Variants in LIN9 observed in about 807,000 individuals in gnomAD.
LIN9 encodes the protein lin-9 DREAM MuvB core complex component, also known as protein lin-9 homolog.
In LIN9, 18 loss-of-function variants were observed where a neutral mutation model predicts 78.0. The ratio of observed to expected loss-of-function variants is 0.23; its 90% confidence interval spans 0.16 to 0.34. The LOEUF is 0.34. Among genes scored for constraint, LIN9 ranks in the 10% least tolerant of loss-of-function variants. The pLI is 1.00. For synonymous variants in LIN9, 192 were observed against 215.2 expected, an observed-to-expected ratio of 0.89 and a Z score of 0.94; for missense variants, 451 against 644.1, an observed-to-expected ratio of 0.70 and a Z score of 3.25.
chr1:226,250,949 A>C (rs573873508), intron 10 of LIN9, 30 bp from the exon 11 acceptor site: 2 of 1,102,704 alleles, frequency 1.8e-6, no homozygotes, highest in South Asian at 2.7e-5. Context: ...ATTTTAGAAT[A>C]AACAGAGGCA....
chr1:226,271,981 TTAAGTA>T (rs1050764208), intron 7 of LIN9, among the ~76,000 whole-genome samples: 7 of 152,104 alleles, frequency 4.6e-5, no homozygotes, highest in African/African-American at 7.2e-5. Flanking sequence ...GATTTTATAT[TTAAGTA>T]TAACTCTTGA....
chr1:226,247,653 GC>G, intron 11 of LIN9, among the ~76,000 whole-genome samples: 1 of 149,972 alleles, frequency 6.7e-6, no homozygotes, highest in Non-Finnish European at 1.5e-5. Flanking sequence ...ATTCCTTAAT[GC>G]CTTGTTGTTT....
chr1:226,292,729 C>A (rs1192049692), intron 4 of LIN9, among the ~76,000 whole-genome samples: 1 of 152,148 alleles, frequency 6.6e-6, no homozygotes, highest in Non-Finnish European at 1.5e-5. Context: ...TCAAAATGAG[C>A]CACTGCCCAG....
At chr1:226,247,259 TTAAAATA>T (rs1170646118) in intron 11 of LIN9, among the ~76,000 whole-genome samples, 1 of 152,156 alleles carries the variant, frequency 6.6e-6, no homozygotes, top group Non-Finnish European at 1.5e-5. Flanking sequence ...AATTAAGCAT[TTAAAATA>T]TATTTCTAAA....
In LIN9 at chr1:226,256,557, A is replaced by G. The variant is rs187364676; in HGVS notation, c.1039-5638T>C. Among the ~76,000 whole-genome samples, 28 of 150,112 alleles carry G rather than the reference A, an allele frequency of 1.9e-4. 1 individual carries two copies. The highest frequency in any genetic ancestry group is 6.6e-4 in the African/African-American group (27 of 41,132). The stretch of plus-strand genomic sequence containing the variant: ...CTACAATAATAAATAAAATAAATAT[A>G]TATATATATATATTTTTTTGAGACA... On this transcript the variant is annotated intron_variant, in intron 10 of 14. Transcript: ENST00000681046.
intron 11 of LIN9, among the ~76,000 whole-genome samples, chr1:226,241,654 C>T (rs1263002750): frequency 1.3e-5 from 2 of 152,080 alleles, no homozygotes; most frequent in East Asian, 3.9e-4. Flanking sequence ...GTCAGGAGAT[C>T]GAGACCATCC....
At chr1:226,308,302 AG>A (rs1263619526) in intron 1 of LIN9, among the ~76,000 whole-genome samples, 2 of 152,122 alleles carry the variant, frequency 1.3e-5, no homozygotes, top group Non-Finnish European at 2.9e-5. Flanking sequence ...CTTAGATGTC[AG>A]GGTGAGTAAA....
At chr1:226,291,966 TGAG>T (rs974890397) in intron 4 of LIN9, among the ~76,000 whole-genome samples, 20 of 151,974 alleles carry the variant, frequency 1.3e-4, no homozygotes, top group Non-Finnish European at 2.4e-4. Context: ...AATTTATAAG[TGAG>T]GAGATGTTTA....
chr1:226,299,478 C>T (rs1166714865), intron 2 of LIN9, among the ~76,000 whole-genome samples: 1 of 141,722 alleles, frequency 7.1e-6, no homozygotes, highest in Non-Finnish European at 1.5e-5. Context: ...GCACTCCAGC[C>T]TGGGCGACAA....
At chr1:226,239,971 G>A (rs995121257) in intron 11 of LIN9, among the ~76,000 whole-genome samples, 1 of 152,144 alleles carries the variant, frequency 6.6e-6, no homozygotes, top group Non-Finnish European at 1.5e-5. Flanking sequence ...AAGCAAAATC[G>A]CTCCTTCTAG....
At chr1:226,304,174 T>C (rs575008724) in intron 1 of LIN9, among the ~76,000 whole-genome samples, 1 of 152,216 alleles carries the variant, frequency 6.6e-6, no homozygotes, top group Non-Finnish European at 1.5e-5. Context: ...CAAAAAATAA[T>C]AGGTTAAGAA....
intron 7 of LIN9, among the ~76,000 whole-genome samples, chr1:226,272,711 T>A (rs1660379021): frequency 6.6e-6 from 1 of 152,006 alleles, no homozygotes. Flanking sequence ...GCTCCTAGAT[T>A]GATTGTATTC....
At chr1:226,297,091 A>G (rs915831655) in intron 3 of LIN9, among the ~76,000 whole-genome samples, 16 of 152,062 alleles carry the variant, frequency 1.1e-4, no homozygotes, top group African/African-American at 2.9e-4. Flanking sequence ...TTCCCTGACC[A>G]CAAGCAGAGA....
At chr1:226,241,672 C>T (rs952276025) in intron 11 of LIN9, among the ~76,000 whole-genome samples, 1 of 152,016 alleles carries the variant, frequency 6.6e-6, no homozygotes, top group Non-Finnish European at 1.5e-5. Flanking sequence ...TCCTGGCTAA[C>T]ACGGTGAAAC....
intron 10 of LIN9, among the ~76,000 whole-genome samples, chr1:226,260,158 T>C (rs1490618900): frequency 6.6e-6 from 1 of 152,208 alleles, no homozygotes; most frequent in Non-Finnish European, 1.5e-5. Flanking sequence ...AGGCTCTGAA[T>C]AGGCTTATAT....
chr1:226,272,381 C>CT lies in LIN9; in HGVS notation c.683-4292dup, dbSNP rs570128823. Among the ~76,000 whole-genome samples the CT allele has an allele frequency of 8.9e-3, 1,124 of 125,878 alleles. 5 individuals are homozygous for CT. The highest frequency in any genetic ancestry group is 0.023 in the Middle Eastern group (5 of 220). 82.6% of individuals were successfully genotyped at this position (125,878 alleles called of 152,430 possible). A position where few individuals can be genotyped will look rare whatever the true frequency, so the allele number is the denominator to read the frequency against. ...AATCATTACTTTTTAATTGAAGTGG[C>CT]TTTTTTTTTTTTTTTTGAGACAGAG... On this transcript the variant is annotated intron_variant, in intron 7 of 14. Transcript: ENST00000681046.
At chr1:226,263,975 G>A (rs928175617) in intron 10 of LIN9, among the ~76,000 whole-genome samples, 8 of 152,128 alleles carry the variant, frequency 5.3e-5, no homozygotes, top group African/African-American at 1.9e-4. Flanking sequence ...TACTTGGGAG[G>A]CTGAGGTGGG....
intron 10 of LIN9, among the ~76,000 whole-genome samples, chr1:226,263,795 G>C (rs949278214): frequency 6.6e-6 from 1 of 152,066 alleles, no homozygotes; most frequent in Non-Finnish European, 1.5e-5. Context: ...TCATTGGCTG[G>C]GCATGGTGAC....
chr1:226,241,413 T>C (rs1296428012), intron 11 of LIN9, among the ~76,000 whole-genome samples: 1 of 152,220 alleles, frequency 6.6e-6, no homozygotes, highest in Non-Finnish European at 1.5e-5. Flanking sequence ...CATTAAAAGC[T>C]CTATCTCTTA....
Sources: allele counts gnomAD v4.1 joint callset (sites outside exome capture counted in the v4.1 genomes callset), GRCh38; gene constraint gnomAD v4.1.1; transcripts MANE v1.5; gene names NCBI Gene and HGNC (gene_info 2026-07-23, HGNC 2026-07-21).